Variants in CARD8 observed in about 807,000 individuals in gnomAD.
CARD8 encodes caspase recruitment domain family member 8.
In CARD8, 38 loss-of-function variants were observed where a neutral mutation model predicts 53.2. The ratio of observed to expected loss-of-function variants is 0.71; its 90% CI spans 0.55 to 0.94. The LOEUF is 0.94. CARD8 is among the 40% of genes least tolerant of loss of function. The pLI is 0.00. For synonymous variants in CARD8, 245 were observed against 244.9 expected (o/e 1.00, Z 0.00); for missense variants, 561 against 655.5 (o/e 0.86, Z 1.57).
rs537117934 is a variant in CARD8, at chr19:48,241,268, T to G, written c.-43-205A>C. Among the ~76,000 whole-genome samples, 4 of 152,256 alleles carry G rather than the reference T, an allele frequency of 2.6e-5. No homozygotes were observed. The South Asian group carries it at 8.3e-4, about 32-fold the overall frequency. ...TAAAACAGAAACTAGAAACTTCCTT[T>G]TTTTTTAGATGGAGTCTAGCTCTGT... On this transcript the variant is annotated intron_variant, in intron 3 of 13. Transcript: ENST00000651546.
At chr19:48,234,753 T>C (rs970931220) in intron 5 of CARD8, among the ~76,000 whole-genome samples, 2 of 152,210 alleles carry the variant, frequency 1.3e-5, no homozygotes, top group African/African-American at 4.8e-5. Flanking sequence ...ACTGGCTCTC[T>C]GTTTCCCACT....
At chr19:48,223,372 AC>A (rs990231580) in intron 10 of CARD8, among the ~76,000 whole-genome samples, 2 of 152,142 alleles carry the variant, frequency 1.3e-5, no homozygotes, top group African/African-American at 4.8e-5. Context: ...CATGGAGAAA[AC>A]CTGAATTGGG....
Position 48,212,010 on chromosome 19 carries a change from C to A in CARD8, c.1349-35G>T, listed in dbSNP as rs758539025. The A allele has an allele frequency of 1.1e-5, 17 of 1,598,950 alleles. No homozygotes were observed. In the Admixed American group the frequency reaches 2.9e-4, roughly 27 times the overall value. On this transcript the variant is annotated intron_variant, in intron 13 of 13. Coordinates refer to ENST00000651546, the MANE Select transcript of CARD8 (RefSeq NM_001184900.3). ...AGGGGGAGTTTCAGACTTTGAGAAT[C>A]GTTCACTTACAGGATTCAGGATCTA...
At chr19:48,217,709 T>G (rs898510262) in intron 12 of CARD8, among the ~76,000 whole-genome samples, 4 of 152,194 alleles carry the variant, frequency 2.6e-5, no homozygotes, top group African/African-American at 9.7e-5. Context: ...AAGATACTGA[T>G]TTCTGCATCA....
Position 48,230,719 on chromosome 19 carries a change from A to G in CARD8, c.773-19T>C, listed in dbSNP as rs2042698819. On this transcript the variant is annotated intron_variant, in intron 9 of 13. Transcript: ENST00000651546. ...TCACCTGCTGCAGGAGAACCACAAC[A>G]GCAGTGAGACGGCACGCACCCCAGC... is the stretch of plus-strand genomic sequence containing the variant. 1 of 1,613,210 alleles carries G rather than the reference A, an allele frequency of 6.2e-7. No individual in the cohort carries two copies. Among genetic ancestry groups the G allele is most frequent in the Non-Finnish European group, 8.5e-7 (1 of 1,179,278 alleles).
chr19:48,234,305 G>C (rs1376750533), intron 6 of CARD8, 98 bp downstream of exon 6: 5 of 1,260,190 alleles, frequency 4.0e-6, no homozygotes, highest in Non-Finnish European at 5.5e-6. Context: ...TCTCCCCTGA[G>C]TTCGATGAAA....
chr19:48,253,038 A>G (rs1238627863), intron 1 of CARD8, among the ~76,000 whole-genome samples: 2 of 152,162 alleles, frequency 1.3e-5, no homozygotes, highest in African/African-American at 4.8e-5. Context: ...TCTTGGTACT[A>G]TTTAATGGGT....
intron 10 of CARD8, among the ~76,000 whole-genome samples, chr19:48,226,133 A>C (rs929399603): frequency 1.3e-5 from 2 of 151,834 alleles, no homozygotes; most frequent in South Asian, 4.1e-4. Flanking sequence ...ACGTGAATCC[A>C]TTAAAGAATC....
At chr19:48,225,141 A>G (rs1022429071) in intron 10 of CARD8, among the ~76,000 whole-genome samples, 2 of 151,970 alleles carry the variant, frequency 1.3e-5, no homozygotes, top group Non-Finnish European at 2.9e-5. Context: ...GCAGATCATA[A>G]ATAAATAGAC....
At chr19:48,235,792 GAAGT>G (rs984529449) in intron 5 of CARD8, among the ~76,000 whole-genome samples, 5 of 151,362 alleles carry the variant, frequency 3.3e-5, no homozygotes, top group African/African-American at 9.7e-5. Context: ...GAGAGATTTT[GAAGT>G]AAGTTCAAAA....
downstream of CARD8, chr19:48,204,223 G>A (rs1176035406): frequency 6.6e-6 from 3 of 455,486 alleles, no homozygotes; most frequent in Admixed American, 4.7e-5. Flanking sequence ...GGATTCAAAG[G>A]TTGGCGTTGC....
rs2037640963 is a variant in CARD8 at position 48,209,159 on chromosome 19, T to TG, written c.*2550dup. The TG allele has an allele frequency of 6.6e-6, 1 of 151,388 alleles. No individual in the cohort carries two copies. The allele number at this position is 151,388 out of a possible 1,614,324, so 9.4% of individuals were successfully genotyped here. ...AAAATACAAAAAATTAGCTGGGCTG[T>TG]GGTGGTGCATGCCTGTAATCCCAGC... On this transcript the variant is annotated 3_prime_UTR_variant, in exon 14 of 14. Coordinates refer to ENST00000651546, the MANE Select transcript of CARD8 (RefSeq NM_001184900.3).
intron 3 of CARD8, among the ~76,000 whole-genome samples, 185 bp from the exon 4 acceptor site, chr19:48,241,248 C>G (rs555344292): frequency 5.5e-4 from 83 of 152,122 alleles, no homozygotes; most frequent in Middle Eastern, 3.4e-3. Context: ...AGTTGTAAAA[C>G]AGAAACTAGA....
chr19:48,215,935 C>T (rs188941588), intron 12 of CARD8, among the ~76,000 whole-genome samples: 1 of 151,632 alleles, frequency 6.6e-6, no homozygotes, highest in Admixed American at 6.6e-5. Context: ...TTGCAACATG[C>T]CCCCCCCACC....
chr19:48,207,101 G>C (rs1309655161), downstream of CARD8, among the ~76,000 whole-genome samples: 1 of 149,164 alleles, frequency 6.7e-6, no homozygotes, highest in Non-Finnish European at 1.5e-5. Flanking sequence ...CCGGGAGGCG[G>C]AGGTTGCAGT....
intron 10 of CARD8, among the ~76,000 whole-genome samples, chr19:48,225,880 G>C (rs779471545): frequency 2.6e-5 from 4 of 151,906 alleles, no homozygotes; most frequent in Non-Finnish European, 5.9e-5. Flanking sequence ...TGGTGAAACC[G>C]TGTCTCTACT....
rs891870240 is a variant in CARD8 at position 48,215,037 on chromosome 19, G to A, written c.1348+303C>T. ...ACTCCTGAGCTCAAGCAATCCACCT[G>A]CCTCGGCCTCCCAGAGTGCTAGGAT... On this transcript the variant is annotated intron_variant, in intron 13 of 13. Coordinates refer to ENST00000651546, the MANE Select transcript of CARD8 (RefSeq NM_001184900.3). 1.7e-4 allele frequency: 37 copies of A among 214,258 alleles called. 1 individual carries two copies. The highest frequency in any genetic ancestry group is 8.1e-4 in the African/African-American group (35 of 43,348). The allele number at this position is 214,258 out of a possible 1,614,324, so 13.3% of individuals were successfully genotyped here.
chr19:48,232,392 A>C, intron 7 of CARD8, 61 bp downstream of exon 7: 1 of 1,438,776 alleles, frequency 7.0e-7, no homozygotes, highest in Non-Finnish European at 9.4e-7. Context: ...CTTCACATAA[A>C]ATCACAGAAC....
intron 3 of CARD8, among the ~76,000 whole-genome samples, chr19:48,247,453 G>A (rs2046303321): frequency 6.6e-6 from 1 of 152,092 alleles, no homozygotes; most frequent in Non-Finnish European, 1.5e-5. Context: ...GAATGTCAAA[G>A]TTCACTAAAA....
Sources: allele counts gnomAD v4.1 joint callset (sites outside exome capture counted in the v4.1 genomes callset), GRCh38; gene constraint gnomAD v4.1.1; transcripts MANE v1.5; gene names NCBI Gene and HGNC (gene_info 2026-07-23, HGNC 2026-07-21).